UBXN8: variants seen among roughly 807,000 people sequenced by gnomAD.
UBXN8 encodes the protein UBX domain protein 8.
UBXN8 carries 27 observed loss-of-function variants against 32.1 expected under a neutral mutation model. The observed-to-expected ratio is 0.84, with a 90% CI of 0.62 to 1.16. The LOEUF is 1.16. Ranked by LOEUF, UBXN8 falls within the 50% of genes most tolerant of loss-of-function variation. The pLI is 0.00. For missense variants in UBXN8, 306 were observed against 311.4 expected, an observed-to-expected ratio of 0.98 and a Z score of 0.13; for synonymous variants, 109 against 111.8, an observed-to-expected ratio of 0.98 and a Z score of 0.16.
At chr8:30,765,734 G>A (rs1382465830) in intron 7 of UBXN8, among the ~76,000 whole-genome samples, 2 of 151,888 alleles carry the variant, frequency 1.3e-5, no homozygotes, top group African/African-American at 4.8e-5. Context: ...TTGGCTGGGC[G>A]CAGTGGCTCA....
At chr8:30,741,577 G>A (rs775842536), upstream of UBXN8, among the ~76,000 whole-genome samples, 23 of 146,820 alleles carry the variant, frequency 1.6e-4, no homozygotes, top group African/African-American at 2.8e-4. Flanking sequence ...TCAGCCTCCC[G>A]AGGAGCTGTT....
chr8:30,759,189 G>A (rs532863925), intron 5 of UBXN8, among the ~76,000 whole-genome samples: 3 of 149,280 alleles, frequency 2.0e-5, no homozygotes, highest in Middle Eastern at 3.8e-3. Context: ...CACCACGCCC[G>A]GCCACAAATG....
chr8:30,735,936 G>T (rs1324389691), intron 1 of UBXN8, among the ~76,000 whole-genome samples: 3 of 152,230 alleles, frequency 2.0e-5, no homozygotes, highest in Non-Finnish European at 4.4e-5. Flanking sequence ...TGTGTCACCC[G>T]AAAGGTGGTG....
chr8:30,736,554 A>G (rs1382015091), intron 1 of UBXN8, among the ~76,000 whole-genome samples: 1 of 152,054 alleles, frequency 6.6e-6, no homozygotes, highest in Non-Finnish European at 1.5e-5. Flanking sequence ...GCTCACTTCA[A>G]CCTTGCCTCC....
At chr8:30,732,388 T>C (rs1804982114), upstream of UBXN8, 5 of 386,152 alleles carry the variant, frequency 1.3e-5, no homozygotes, top group African/African-American at 2.4e-5. Context: ...ACTTGGGATT[T>C]ACTATCCGAC....
chr8:30,732,598 G>T (rs1285463047), upstream of UBXN8: 1 of 245,864 alleles, frequency 4.1e-6, no homozygotes, highest in Non-Finnish European at 7.7e-6. Context: ...GGGGATCCCA[G>T]CAACAGCAAG....
intron 7 of UBXN8, among the ~76,000 whole-genome samples, chr8:30,764,257 C>G (rs866834191): frequency 6.6e-6 from 1 of 152,166 alleles, no homozygotes; most frequent in South Asian, 2.1e-4. Flanking sequence ...CTGGATTTGA[C>G]TACATAAAAA....
At chr8:30,760,441 A>T (rs868221833) in intron 5 of UBXN8, among the ~76,000 whole-genome samples, 4,959 of 48,690 alleles carry the variant, frequency 0.1, 365 homozygotes, top group African/African-American at 0.26. Flanking sequence ...ATATATATAT[A>T]TATTTTTTTT....
At chr8:30,749,761 G>A (rs565085866) in intron 1 of UBXN8, among the ~76,000 whole-genome samples, 26 of 151,772 alleles carry the variant, frequency 1.7e-4, no homozygotes, top group Admixed American at 1.6e-3. Context: ...ACCCGCCACC[G>A]CGCCCAGCTA....
chr8:30,731,977 T>C (rs1192172430), upstream of UBXN8, among the ~76,000 whole-genome samples: 1 of 152,166 alleles, frequency 6.6e-6, no homozygotes, highest in Non-Finnish European at 1.5e-5. Context: ...CCCGTACATA[T>C]TGCTGGGGTT....
At chr8:30,751,339 C>A (rs1805517161) in intron 1 of UBXN8, 57 bp from the exon 2 acceptor site, 3 of 1,425,538 alleles carry the variant, frequency 2.1e-6, no homozygotes, top group Non-Finnish European at 2.9e-6. Flanking sequence ...CATAGTGAGA[C>A]CTCATCTCTT....
intron 1 of UBXN8, among the ~76,000 whole-genome samples, chr8:30,734,710 A>C (rs555605013): frequency 6.6e-6 from 1 of 152,284 alleles, no homozygotes; most frequent in South Asian, 2.1e-4. Context: ...AAGGGAAGCC[A>C]CAGAAGGAGG....
intron 5 of UBXN8, 73 bp downstream of exon 5, chr8:30,756,960 A>G: frequency 1.9e-6 from 3 of 1,578,690 alleles, no homozygotes; most frequent in Non-Finnish European, 2.6e-6. Context: ...GTGAGGTGGT[A>G]TACTGGGTGA....
At chr8:30,758,073 T>C in intron 5 of UBXN8, among the ~76,000 whole-genome samples, 1 of 151,906 alleles carries the variant, frequency 6.6e-6, no homozygotes, top group East Asian at 2.0e-4. Context: ...TTTTTTTGTA[T>C]TTTTAGTAGA....
At chr8:30,744,113 G>C (rs917046355), upstream of UBXN8, 1 of 1,425,260 alleles carries the variant, frequency 7.0e-7, no homozygotes, top group Non-Finnish European at 9.7e-7. Flanking sequence ...CCCGCGGCAA[G>C]AAGAGTTCCA....
intron 5 of UBXN8, among the ~76,000 whole-genome samples, chr8:30,757,902 T>C (rs1243383851): frequency 6.6e-6 from 1 of 152,018 alleles, no homozygotes; most frequent in Non-Finnish European, 1.5e-5. Context: ...TCTTTGTTTT[T>C]TTGAGACAGA....
chr8:30,758,997 C>T lies in UBXN8; in HGVS notation c.529-1891C>T, dbSNP rs533769633. ...CAAGCTCCTCCTCCCGGCTTCACGC[C>T]ATTCTCCTGCCTCAGCCTCCCGGGT... is the stretch of plus-strand genomic sequence containing the variant. On this transcript the variant is annotated intron_variant, in intron 5 of 7. Transcript: ENST00000265616. 2.7e-5 allele frequency among the ~76,000 whole-genome samples: 4 copies of T among 150,256 alleles called. No homozygotes were observed. In the South Asian group the frequency reaches 8.4e-4, roughly 32 times the overall value.
In UBXN8 at chr8:30,763,300, A is replaced by G. The variant is rs1805908320; in HGVS notation, c.598A>G (p.Ser200Gly). 6.2e-7 allele frequency: 1 copy of G among 1,613,866 alleles called. No homozygotes were observed. The highest frequency in any genetic ancestry group is 8.5e-7 in the Non-Finnish European group (1 of 1,179,728). Residue 200 changes from serine (S) to glycine (G), a missense_variant, in exon 7 of 8, where the codon AGT becomes GGT. Transcript: ENST00000265616. ...AGTTACTGTTGCTCTCCGATGTCCC[A>G]GTGGGAATGTCCTGAGGAGAAGGTT... Reference protein sequence around the residue: ...EVVTVALRCPSGNVLRRRFLK... With the variant: ...EVVTVALRCPGGNVLRRRFLK...
Position 30,760,919 on chromosome 8 carries a change from C to T in UBXN8, c.560C>T (p.Thr187Ile). Residue 187 changes from threonine to isoleucine, a missense_variant, in exon 6 of 8, where the codon ACA (threonine) becomes ATA (isoleucine). By Grantham distance (89) the Thr-to-Ile change is moderately conservative. Coordinates refer to ENST00000265616, the MANE Select transcript of UBXN8 (RefSeq NM_005671.4). ...IPDLPEEPSQ[T>I]AEEVVTVALR... ...GATTTACCTGAAGAACCTTCTCAAA[C>T]AGCAGAAGAAGTAAGTCTATTTTTC... The T allele has an allele frequency of 6.5e-7, 1 of 1,536,144 alleles. No individual in the cohort carries two copies. The highest frequency in any genetic ancestry group is 8.8e-7 in the Non-Finnish European group (1 of 1,139,142).
Sources: allele counts gnomAD v4.1 joint callset (sites outside exome capture counted in the v4.1 genomes callset), GRCh38; gene constraint gnomAD v4.1.1; transcripts MANE v1.5; gene names NCBI Gene and HGNC (gene_info 2026-07-23, HGNC 2026-07-21).